Variants in SLC27A6 observed in about 807,000 individuals in gnomAD.
SLC27A6 encodes the protein long-chain fatty acid transport protein 6.
Under a neutral mutation model 63.9 loss-of-function variants are expected in SLC27A6, and 74 were observed. The ratio of observed to expected loss-of-function variants is 1.16; its 90% CI spans 0.96 to 1.40. SLC27A6 has a LOEUF of 1.40. Among genes scored for constraint, SLC27A6 ranks in the 40% most tolerant of loss-of-function variants. SLC27A6 has a pLI of 0.00. For synonymous variants in SLC27A6, 287 were observed against 260.8 expected (o/e 1.10, Z -0.97); for missense variants, 794 against 732.9 (o/e 1.08, Z -0.96).
In SLC27A6 at chr5:129,012,543, A is replaced by G. The variant is rs1751759818; in HGVS notation, c.970-3342A>G. Among the ~76,000 whole-genome samples, 3 of 152,056 alleles carry G rather than the reference A, an allele frequency of 2.0e-5. No individual in the cohort carries two copies. The South Asian group carries it at 6.2e-4, about 31-fold the overall frequency. On this transcript the variant is annotated intron_variant, in intron 4 of 9. Transcript: ENST00000262462. The stretch of plus-strand genomic sequence containing the variant: ...TGATTTTTTTCCCGCTTATTCTATC[A>G]GTACCAGAGAGAGAAGTTAAAAATA...
intron 4 of SLC27A6, among the ~76,000 whole-genome samples, chr5:129,003,143 G>A (rs966036851): frequency 6.6e-6 from 1 of 152,172 alleles, no homozygotes; most frequent in African/African-American, 2.4e-5. Flanking sequence ...GAGAGAGAGA[G>A]AGAGCAAGAG....
At chr5:129,001,843 A>G (rs1751344898) in intron 4 of SLC27A6, among the ~76,000 whole-genome samples, 1 of 152,228 alleles carries the variant, frequency 6.6e-6, no homozygotes, top group South Asian at 2.1e-4. Flanking sequence ...ATGTTTTGGA[A>G]GAAAGAGGCT....
rs991506063 is a variant in SLC27A6 at position 128,965,877 on chromosome 5, TCGGAGGCTCCCTGCTTTCCAGC to T, written c.-258_-237del. ...TGGCTGTGTTGGTTTCTCGCAGGAGTCGGAGGCTCCCTGCTTTCCAGCCGCCCAGTGACCCAAGCTTAATCTT... is the reference window on the plus strand; with the variant it reads ...TGGCTGTGTTGGTTTCTCGCAGGAGTCGCCCAGTGACCCAAGCTTAATCTT... On this transcript the variant is annotated 5_prime_UTR_variant, in exon 1 of 10. Transcript: ENST00000262462. 13 of 354,540 alleles carry T rather than the reference TCGGAGGCTCCCTGCTTTCCAGC, an allele frequency of 3.7e-5. No individual in the cohort carries two copies. The highest frequency in any genetic ancestry group is 6.1e-5 in the Non-Finnish European group (12 of 196,284). The allele number at this position is 354,540 out of a possible 1,614,324, so 22.0% of individuals were successfully genotyped here.
At chr5:129,014,254 T>C (rs906554953) in intron 4 of SLC27A6, among the ~76,000 whole-genome samples, 4 of 152,166 alleles carry the variant, frequency 2.6e-5, no homozygotes, top group Admixed American at 2.0e-4. Context: ...AAAATTGCAA[T>C]TCGGGACACA....
chr5:129,016,397 A>T (rs1203060420), intron 5 of SLC27A6, among the ~76,000 whole-genome samples: 1 of 146,246 alleles, frequency 6.8e-6, no homozygotes, highest in Non-Finnish European at 1.5e-5. Flanking sequence ...CTCTGTCTCA[A>T]AAAAAAAAAA....
intron 6 of SLC27A6, among the ~76,000 whole-genome samples, chr5:129,025,517 G>A (rs1040623906): frequency 4.6e-5 from 7 of 151,712 alleles, no homozygotes; most frequent in Admixed American, 1.3e-4. Flanking sequence ...CTTTTTTTAC[G>A]CCTCAGTTTT....
At chr5:129,016,395 CAAAAAAAAAAAA>C in intron 5 of SLC27A6, among the ~76,000 whole-genome samples, 1 of 64,722 alleles carries the variant, frequency 1.5e-5, no homozygotes, top group East Asian at 4.5e-4. Flanking sequence ...GACTCTGTCT[CAAAAAAAAAAAA>C]AAAAAAAAAA....
chr5:128,971,330 A>T (rs186424505), intron 1 of SLC27A6, among the ~76,000 whole-genome samples: 35 of 152,146 alleles, frequency 2.3e-4, no homozygotes, highest in African/African-American at 8.4e-4. Context: ...TTTTGGTCTC[A>T]TTGATCTGTC....
chr5:129,000,908 A>G (rs907853159), intron 4 of SLC27A6, among the ~76,000 whole-genome samples: 1 of 152,172 alleles, frequency 6.6e-6, no homozygotes, highest in Non-Finnish European at 1.5e-5. Flanking sequence ...GCAGGATAGA[A>G]AGCAGCTATT....
chr5:128,973,498 C>T (rs995940902), intron 1 of SLC27A6, among the ~76,000 whole-genome samples: 2 of 152,178 alleles, frequency 1.3e-5, no homozygotes, highest in Non-Finnish European at 2.9e-5. Context: ...CCTCCCCTAG[C>T]CTTGCTGCCA....
At chr5:128,970,364 A>G (rs1750097073) in intron 1 of SLC27A6, among the ~76,000 whole-genome samples, 1 of 152,170 alleles carries the variant, frequency 6.6e-6, no homozygotes, top group South Asian at 2.1e-4. Flanking sequence ...CTCTGGTAGA[A>G]TTCGTTGTGA....
At chr5:128,984,566 ACC>A (rs887043111) in intron 1 of SLC27A6, among the ~76,000 whole-genome samples, 29 of 152,140 alleles carry the variant, frequency 1.9e-4, no homozygotes, top group Admixed American at 2.0e-4. Context: ...TAAACATTGT[ACC>A]CAATAGGTAA....
rs1455797246 is a variant in SLC27A6, at chr5:129,016,416, A to AAAAAAG, written c.1164+339_1164+340insAAAGAA. ...GTCTCAAAAAAAAAAAAAAAAAAAA[A>AAAAAAG]AAGGAGCACCTTGTGGTCTGCCAGC... is the stretch of plus-strand genomic sequence containing the variant. On this transcript the variant is annotated intron_variant, in intron 5 of 9. Coordinates refer to ENST00000262462, the MANE Select transcript of SLC27A6 (RefSeq NM_001017372.3). 4.4e-4 allele frequency among the ~76,000 whole-genome samples: 66 copies of AAAAAAG among 150,638 alleles called. 1 individual carries two copies. The highest frequency in any genetic ancestry group is 1.6e-3 in the African/African-American group (65 of 41,166).
intron 6 of SLC27A6, among the ~76,000 whole-genome samples, chr5:129,023,990 ATTATT>A (rs1752159251): frequency 6.6e-6 from 1 of 151,920 alleles, no homozygotes; most frequent in African/African-American, 2.4e-5. Flanking sequence ...TTGTTTTATT[ATTATT>A]TTATCTTTTT....
chr5:129,009,089 A>G (rs946553620), intron 4 of SLC27A6, among the ~76,000 whole-genome samples: 2 of 151,848 alleles, frequency 1.3e-5, no homozygotes, highest in South Asian at 4.2e-4. Context: ...CTGGTCTCAT[A>G]CTCCTGACCT....
chr5:128,967,204 C>CTT lies in SLC27A6; in HGVS notation c.481+589_481+590dup, dbSNP rs11371874. Among the ~76,000 whole-genome samples, 868 of 151,852 alleles carry CTT rather than the reference C, an allele frequency of 5.7e-3. 23 individuals carry two copies. The highest frequency in any genetic ancestry group is 0.041 in the Admixed American group (625 of 15,202). On this transcript the variant is annotated intron_variant, in intron 1 of 9. Transcript: ENST00000262462. ...TCTTCTTCTTATCCTTCCATGCATCCTTTTCTTTTTTTGACTAAGTTCTAC... is the reference window on the plus strand; with the variant it reads ...TCTTCTTCTTATCCTTCCATGCATCCTTTTTTCTTTTTTTGACTAAGTTCTAC...
intron 6 of SLC27A6, among the ~76,000 whole-genome samples, chr5:129,026,888 T>A (rs778769562): frequency 3.3e-5 from 5 of 152,272 alleles, no homozygotes; most frequent in Admixed American, 1.3e-4. Context: ...CTAATGAGGC[T>A]TTTCTTTCCA....
chr5:129,000,442 C>T lies in SLC27A6; in HGVS notation c.969+9978C>T, dbSNP rs73784821. Reference sequence around the variant, plus strand: ...GTAGCAAATAGAACAAGTCCAGTTGCTGGGATACTTGTGTGCTCATGACCA... The same window carrying T: ...GTAGCAAATAGAACAAGTCCAGTTGTTGGGATACTTGTGTGCTCATGACCA... On this transcript the variant is annotated intron_variant, in intron 4 of 9. Transcript: ENST00000262462. 8.7e-3 allele frequency among the ~76,000 whole-genome samples: 1,331 copies of T among 152,200 alleles called. 23 individuals carry two copies. Among genetic ancestry groups the T allele is most frequent in the African/African-American group, 0.031 (1,275 of 41,524 alleles).
chr5:129,029,061 C>T (rs1752337209), intron 8 of SLC27A6, among the ~76,000 whole-genome samples: 1 of 151,908 alleles, frequency 6.6e-6, no homozygotes, highest in Non-Finnish European at 1.5e-5. Context: ...AATAAATAGC[C>T]ACTGAGTGTT....
Sources: allele counts gnomAD v4.1 joint callset (sites outside exome capture counted in the v4.1 genomes callset), GRCh38; gene constraint gnomAD v4.1.1; transcripts MANE v1.5; gene names NCBI Gene and HGNC (gene_info 2026-07-23, HGNC 2026-07-21).